Variants in SLC2A13 observed in about 807,000 individuals in gnomAD.
SLC2A13 encodes the protein proton myo-inositol cotransporter.
A neutral mutation model predicts 64.4 loss-of-function variants in SLC2A13; 32 were observed. The ratio of observed to expected loss-of-function variants is 0.50; its 90% confidence interval spans 0.37 to 0.67. SLC2A13 has a LOEUF of 0.67. Among genes scored for constraint, SLC2A13 ranks in the 30% least tolerant of loss-of-function variants. SLC2A13 has a pLI of 0.00. For synonymous variants in SLC2A13, 338 were observed against 327.1 expected, an observed-to-expected ratio of 1.03 and a Z score of -0.36; for missense variants, 743 against 829.2, an observed-to-expected ratio of 0.90 and a Z score of 1.28.
chr12:39,788,684 G>T (rs917170318), intron 7 of SLC2A13: 1 of 152,004 alleles, frequency 6.6e-6, no homozygotes, highest in Middle Eastern at 3.2e-3. Flanking sequence ...AAAACTTTAG[G>T]AATCATCTAA....
chr12:39,819,642 A>G (rs1173352979), intron 7 of SLC2A13: 10 of 152,176 alleles, frequency 6.6e-5, no homozygotes, highest in African/African-American at 2.2e-4. Flanking sequence ...AGGAACATTC[A>G]TTTCTTTAAA....
chr12:39,965,997 T>C (rs572146791), intron 3 of SLC2A13, among the ~76,000 whole-genome samples: 13 of 152,140 alleles, frequency 8.5e-5, no homozygotes. Flanking sequence ...ACCTATGGGA[T>C]GCGGGGCTTG....
intron 2 of SLC2A13, among the ~76,000 whole-genome samples, chr12:40,033,721 G>A (rs138887811): frequency 6.6e-6 from 1 of 152,158 alleles, no homozygotes; most frequent in African/African-American, 2.4e-5. Flanking sequence ...ACACTAGTAA[G>A]CTTTTCATAC....
chr12:39,862,601 G>C (rs73103036), intron 6 of SLC2A13, among the ~76,000 whole-genome samples: 2,688 of 152,260 alleles, frequency 0.018, 80 homozygotes, highest in African/African-American at 0.058. Flanking sequence ...ACTCCATGGG[G>C]AAAGCATACT....
chr12:40,002,370 T>C (rs1947334445), intron 3 of SLC2A13, among the ~76,000 whole-genome samples: 1 of 152,200 alleles, frequency 6.6e-6, no homozygotes, highest in Non-Finnish European at 1.5e-5. Flanking sequence ...TCTGTTTGAC[T>C]CCAAAGTCTG....
intron 1 of SLC2A13, among the ~76,000 whole-genome samples, chr12:40,067,724 A>G (rs1330026003): frequency 6.6e-6 from 1 of 152,140 alleles, no homozygotes; most frequent in Non-Finnish European, 1.5e-5. Flanking sequence ...TTTATTACAC[A>G]TCTATTCAGG....
intron 3 of SLC2A13, among the ~76,000 whole-genome samples, chr12:39,979,958 G>A (rs1353206116): frequency 6.7e-6 from 1 of 148,456 alleles, no homozygotes. Context: ...AAGCCCATCA[G>A]ACTAACAGCG....
At chr12:39,768,208 T>C (rs1040773677) in intron 7 of SLC2A13, among the ~76,000 whole-genome samples, 8 of 152,114 alleles carry the variant, frequency 5.3e-5, no homozygotes, top group African/African-American at 1.9e-4. Flanking sequence ...TCAGCCTTCA[T>C]AGAATTAAAT....
intron 7 of SLC2A13, among the ~76,000 whole-genome samples, chr12:39,797,555 T>C (rs1941615892): frequency 6.6e-6 from 1 of 152,192 alleles, no homozygotes; most frequent in Admixed American, 6.5e-5. Flanking sequence ...TTTAGTCAAT[T>C]TCACATAGAT....
intron 1 of SLC2A13, among the ~76,000 whole-genome samples, chr12:40,100,908 T>C (rs1939122389): frequency 7.6e-6 from 1 of 131,196 alleles, no homozygotes; most frequent in South Asian, 2.3e-4. Flanking sequence ...GGGGTTGCAG[T>C]GAGCCGAGAT....
chr12:40,032,477 G>A (rs575960878), intron 2 of SLC2A13, among the ~76,000 whole-genome samples: 1 of 152,308 alleles, frequency 6.6e-6, no homozygotes, highest in South Asian at 2.1e-4. Context: ...ACCAAAGCAG[G>A]CCATTTAAAG....
intron 1 of SLC2A13, among the ~76,000 whole-genome samples, chr12:40,091,844 A>C (rs1372034174): frequency 6.6e-6 from 1 of 152,250 alleles, no homozygotes; most frequent in Non-Finnish European, 1.5e-5. Context: ...ATTCACATTA[A>C]TTACTACAAT....
At chr12:40,024,365 A>G (rs936566959) in intron 3 of SLC2A13, among the ~76,000 whole-genome samples, 1 of 152,220 alleles carries the variant, frequency 6.6e-6, no homozygotes, top group Non-Finnish European at 1.5e-5. Flanking sequence ...TACACTTTGT[A>G]GCTATGATCA....
chr12:39,961,095 T>C (rs1946405226), intron 3 of SLC2A13, among the ~76,000 whole-genome samples: 1 of 150,404 alleles, frequency 6.6e-6, no homozygotes, highest in South Asian at 2.1e-4. Context: ...TTTTTTTACT[T>C]TGAGACGGAG....
chr12:40,009,666 C>G (rs1276367470), intron 3 of SLC2A13, among the ~76,000 whole-genome samples: 1 of 151,996 alleles, frequency 6.6e-6, no homozygotes, highest in Non-Finnish European at 1.5e-5. Context: ...CTCCTGAGCT[C>G]AAGCAATCCT....
intron 6 of SLC2A13, among the ~76,000 whole-genome samples, chr12:39,848,090 G>A (rs1469528687): frequency 2.0e-5 from 3 of 151,856 alleles, no homozygotes; most frequent in Admixed American, 1.3e-4. Context: ...AGACAACCTA[G>A]GCAATACCAT....
chr12:40,018,018 G>GAACGTGA (rs1947648955), intron 3 of SLC2A13, among the ~76,000 whole-genome samples: 1 of 143,944 alleles, frequency 6.9e-6, no homozygotes, highest in Admixed American at 6.9e-5. Context: ...AGAAAGGAAA[G>GAACGTGA]AACGTGAATA....
At chr12:39,859,248 A>C (rs554802112) in intron 6 of SLC2A13, among the ~76,000 whole-genome samples, 1 of 151,450 alleles carries the variant, frequency 6.6e-6, no homozygotes, top group South Asian at 2.1e-4. Context: ...TTGGTTTAAC[A>C]ATGTTCAAGA....
At position 39,758,366 on chromosome 12, in the gene SLC2A13, T is replaced by A. The variant is rs757307280; in HGVS notation, c.*1660A>T. 6.6e-6 allele frequency: 1 copy of A among 151,826 alleles called. No individual in the cohort carries two copies. 9.4% of individuals were successfully genotyped at this position (151,826 alleles called of 1,614,324 possible). Reference sequence around the variant, plus strand: ...AGGAACAAGCCAGACATTAAAAGAATAGAGTATCTTGGAGACTGGAAGAAA... The same window carrying A: ...AGGAACAAGCCAGACATTAAAAGAAAAGAGTATCTTGGAGACTGGAAGAAA... On this transcript the variant is annotated 3_prime_UTR_variant, in exon 10 of 10. Transcript: ENST00000280871.
Sources: gnomAD v4.1 joint callset for allele counts (sites outside exome capture counted in the v4.1 genomes callset) on GRCh38, gnomAD v4.1.1 for gene constraint, MANE v1.5 for transcripts, NCBI Gene and HGNC (gene_info 2026-07-23, HGNC 2026-07-21) for gene names.